The following HEXB variants were observed in gnomAD, a reference collection of about 807,000 sequenced individuals.
The protein encoded by HEXB is hexosaminidase subunit beta, also known as beta-hexosaminidase subunit beta.
HEXB carries 51 observed loss-of-function variants against 71.2 expected under a neutral mutation model. The ratio of observed to expected loss-of-function variants is 0.72; its 90% CI spans 0.57 to 0.90. HEXB has a LOEUF of 0.90. Ranked by LOEUF, HEXB falls within the 40% of genes least tolerant of loss-of-function variation. HEXB has a pLI of 0.00. For synonymous variants in HEXB, 266 were observed against 249.3 expected, an observed-to-expected ratio of 1.07 and a Z score of -0.63; for missense variants, 617 against 677.0, an observed-to-expected ratio of 0.91 and a Z score of 0.98.
chr5:74,670,240 CT>C (rs568040027), intron 1 of HEXB, among the ~76,000 whole-genome samples: 352 of 143,578 alleles, frequency 2.5e-3, no homozygotes, highest in African/African-American at 4.5e-3. Context: ...GTTTTAGCCT[CT>C]TTTTTTTTTT....
intron 5 of HEXB, among the ~76,000 whole-genome samples, chr5:74,700,001 C>CTTTTTTTTTTTTTTT: frequency 2.5e-5 from 1 of 40,336 alleles, no homozygotes; most frequent in Non-Finnish European, 4.3e-5. Flanking sequence ...TGTAAGTTTC[C>CTTTTTTTTTTTTTTT]TTTTTTTTTT....
chr5:74,664,097 TA>T (rs200570293), intron 1 of HEXB, among the ~76,000 whole-genome samples: 4 of 150,072 alleles, frequency 2.7e-5, no homozygotes, highest in Non-Finnish European at 4.4e-5. Flanking sequence ...CTCTACTAAA[TA>T]AAAAAAAATT....
intron 8 of HEXB, 118 bp from the exon 9 acceptor site, chr5:74,716,469 A>G: frequency 3.2e-6 from 2 of 629,218 alleles, no homozygotes; most frequent in Admixed American, 2.9e-5. Context: ...TCTTTTTACT[A>G]CCTACAAACT....
At chr5:74,647,762 A>T (rs1314880996) in intron 1 of HEXB, among the ~76,000 whole-genome samples, 1 of 152,228 alleles carries the variant, frequency 6.6e-6, no homozygotes, top group Non-Finnish European at 1.5e-5. Context: ...AAGTATGTAT[A>T]TTCAAATAGT....
chr5:74,703,939 A>G (rs1326874066), intron 5 of HEXB, among the ~76,000 whole-genome samples: 2 of 152,198 alleles, frequency 1.3e-5, no homozygotes, highest in African/African-American at 4.8e-5. Context: ...TCAGCCTTCC[A>G]AAGTACTGGG....
chr5:74,663,328 G>A (rs962799377), intron 1 of HEXB, among the ~76,000 whole-genome samples: 3 of 152,028 alleles, frequency 2.0e-5, no homozygotes, highest in Middle Eastern at 3.4e-3. Flanking sequence ...GTAGCTGGGA[G>A]TACAGGCGCC....
In HEXB at chr5:74,713,421, T is replaced by TA. The variant is rs1749597290; in HGVS notation, c.772-84dup. 3 of 1,324,132 alleles carry TA rather than the reference T, an allele frequency of 2.3e-6. No homozygotes were observed. The African/African-American group carries it at 4.3e-5, about 19-fold the overall frequency. The allele number at this position is 1,324,132 out of a possible 1,614,324, so 82.0% of individuals were successfully genotyped here. On this transcript the variant is annotated intron_variant, in intron 6 of 13. Coordinates refer to ENST00000261416, the MANE Select transcript of HEXB (RefSeq NM_000521.4). ...CATAGTGAAAAAATTAGCTGTCAAATATCAAATGCAAGCACAATTGTTAAC... is the reference window on the plus strand; with the variant it reads ...CATAGTGAAAAAATTAGCTGTCAAATAATCAAATGCAAGCACAATTGTTAAC...
upstream of HEXB, among the ~76,000 whole-genome samples, chr5:74,682,845 G>A (rs1376775859): frequency 6.6e-6 from 1 of 152,148 alleles, no homozygotes; most frequent in Admixed American, 6.5e-5. Flanking sequence ...CATCCATCAT[G>A]AGTCATGGCT....
At chr5:74,654,256 T>C (rs1050204923) in intron 1 of HEXB, among the ~76,000 whole-genome samples, 2 of 152,178 alleles carry the variant, frequency 1.3e-5, no homozygotes, top group Non-Finnish European at 2.9e-5. Flanking sequence ...CACGAATCAC[T>C]TGGGGAACTT....
chr5:74,657,082 G>A (rs1490105278), intron 1 of HEXB, among the ~76,000 whole-genome samples: 3 of 152,088 alleles, frequency 2.0e-5, no homozygotes, highest in Non-Finnish European at 4.4e-5. Context: ...AGTCACCCCT[G>A]GTCAACACAG....
chr5:74,705,193 T>C, intron 5 of HEXB, 26 bp from the exon 6 acceptor site: 2 of 1,355,854 alleles, frequency 1.5e-6, no homozygotes, highest in African/African-American at 2.9e-5. Context: ...CTGCAGTAAA[T>C]AATTTTTAAA....
Position 74,718,957 on chromosome 5 carries a change from CT to C in HEXB, c.1404del (p.Asp470IlefsTer60), listed in dbSNP as rs2112180987. 1.2e-6 allele frequency: 2 copies of C among 1,614,088 alleles called. No homozygotes were observed. The highest frequency in any genetic ancestry group is 4.5e-5 in the East Asian group (2 of 44,870). ...QDWRKYYKVE[P>X]LDFGGTQKQK... ...TGGAGGAAATACTATAAAGTGGAAC[CT>C]CTTGATTTTGGCGGTAAGTGAAGCA... On this transcript the variant is annotated frameshift_variant, in exon 11 of 14. Transcript: ENST00000261416. LOFTEE classifies it high-confidence loss of function.
At chr5:74,718,399 G>A in intron 10 of HEXB, 36 bp downstream of exon 10, 1 of 1,436,182 alleles carries the variant, frequency 7.0e-7, no homozygotes, top group South Asian at 1.1e-5. Flanking sequence ...ATCAATATAA[G>A]AGACTTAATT....
upstream of HEXB, chr5:74,685,138 G>C: frequency 9.1e-7 from 1 of 1,096,590 alleles, no homozygotes; most frequent in Non-Finnish European, 1.2e-6. Flanking sequence ...TCGGGGGCGG[G>C]CGCGCGCAGT....
chr5:74,689,267 T>C (rs1029119857), intron 1 of HEXB, 61 bp from the exon 2 acceptor site: 2 of 1,314,818 alleles, frequency 1.5e-6, no homozygotes, highest in African/African-American at 2.9e-5. Flanking sequence ...TACTAGCACA[T>C]CTGTTTTAAA....
At chr5:74,697,130 C>T (rs1354936417) in intron 5 of HEXB, 24 bp downstream of exon 5, 3 of 1,052,996 alleles carry the variant, frequency 2.8e-6, no homozygotes, top group South Asian at 2.5e-5. Context: ...TCATTCTAAT[C>T]TGTTGTCTAT....
At chr5:74,663,514 G>C (rs534955251) in intron 1 of HEXB, among the ~76,000 whole-genome samples, 3 of 152,208 alleles carry the variant, frequency 2.0e-5, no homozygotes, top group Non-Finnish European at 4.4e-5. Context: ...TTCTAATCAC[G>C]TGCTGCCTGA....
At chr5:74,679,621 G>A (rs1341767022) in intron 1 of HEXB, among the ~76,000 whole-genome samples, 2 of 151,810 alleles carry the variant, frequency 1.3e-5, no homozygotes, top group Non-Finnish European at 2.9e-5. Context: ...CCAACATGGT[G>A]AAGCCCTGTC....
intron 1 of HEXB, among the ~76,000 whole-genome samples, chr5:74,672,966 C>G (rs1045169961): frequency 1.3e-5 from 2 of 151,984 alleles, no homozygotes; most frequent in African/African-American, 4.8e-5. Context: ...ATCAGAGCAG[C>G]CTTTGGTCAC....
Sources: gnomAD v4.1 joint callset for allele counts (sites outside exome capture counted in the v4.1 genomes callset) on GRCh38, gnomAD v4.1.1 for gene constraint, MANE v1.5 for transcripts, NCBI Gene and HGNC (gene_info 2026-07-23, HGNC 2026-07-21) for gene names.